ZRANB2: variants seen among roughly 807,000 people sequenced by gnomAD.
The protein encoded by ZRANB2 is zinc finger Ran-binding domain-containing protein 2.
ZRANB2 carries 19 observed loss-of-function variants against 53.4 expected under a neutral mutation model. The ratio of observed to expected loss-of-function variants is 0.36; its 90% CI spans 0.25 to 0.52. ZRANB2 has a LOEUF of 0.52. Ranked by LOEUF, ZRANB2 falls within the 20% of genes least tolerant of loss-of-function variation. The probability of loss-of-function intolerance (pLI) is 0.93; values close to 1 mark genes in which losing one functional copy is unlikely to be tolerated. For missense variants in ZRANB2, 309 were observed against 401.1 expected, an observed-to-expected ratio of 0.77 and a Z score of 1.96; for synonymous variants, 145 against 134.8, an observed-to-expected ratio of 1.08 and a Z score of -0.52.
At chr1:71,070,694 T>G in intron 7 of ZRANB2, 133 bp downstream of exon 7, 1 of 576,232 alleles carries the variant, frequency 1.7e-6, no homozygotes, top group Non-Finnish European at 2.8e-6. Context: ...AAAAATTATT[T>G]TAAAAGTTGA....
chr1:71,066,833 C>T lies in ZRANB2; in HGVS notation c.872G>A (p.Arg291Lys), dbSNP rs751149078. Residue 291 changes from arginine (R) to lysine (K), a missense_variant, in exon 9 of 10, where the codon AGA becomes AAA. Arg to Lys is a conservative substitution (Grantham distance 26). Transcript: ENST00000370920. The part of the protein sequence containing the change: ...PERNRKRSRS[R>K]SSSSGDRKKR... ...TTTGCGATCACCAGATGAAGAAGAT[C>T]TAGAACGACTTCTCTTTCTGTTCCT... 1.2e-6 allele frequency: 2 copies of T among 1,612,396 alleles called. No individual in the cohort carries two copies. The highest frequency in any genetic ancestry group is 1.3e-5 in the African/African-American group (1 of 74,950).
intron 9 of ZRANB2, chr1:71,065,536 T>C (rs1157587044): frequency 6.2e-6 from 8 of 1,290,558 alleles, no homozygotes; most frequent in South Asian, 4.2e-5. Flanking sequence ...AAGTCTATTA[T>C]GTAAAAAAGA....
At chr1:71,072,053 C>A in intron 6 of ZRANB2, 68 bp downstream of exon 6, 1 of 1,547,660 alleles carries the variant, frequency 6.5e-7, no homozygotes, top group South Asian at 1.3e-5. Context: ...CTGAGGCTGT[C>A]AAAAGCATTC....
intron 6 of ZRANB2, among the ~76,000 whole-genome samples, chr1:71,071,799 G>A (rs1357914452): frequency 2.0e-5 from 3 of 151,960 alleles, no homozygotes; most frequent in Non-Finnish European, 2.9e-5. Context: ...ATTATCCATC[G>A]GCAAAACCAA....
chr1:71,068,987 T>C (rs1661531150), intron 8 of ZRANB2, among the ~76,000 whole-genome samples: 1 of 152,018 alleles, frequency 6.6e-6, no homozygotes, highest in South Asian at 2.1e-4. Context: ...GATGTGGCGA[T>C]AAGACTTGGC....
At chr1:71,072,373 T>C (rs1205274597) in intron 5 of ZRANB2, 99 bp downstream of exon 5, 1 of 1,443,824 alleles carries the variant, frequency 6.9e-7, no homozygotes, top group African/African-American at 1.4e-5. Flanking sequence ...TGCTGAAGAC[T>C]CAAATTGCAC....
At chr1:71,065,875 CAG>C in intron 9 of ZRANB2, 2 of 1,415,936 alleles carry the variant, frequency 1.4e-6, no homozygotes, top group Non-Finnish European at 1.9e-6. Flanking sequence ...CACTCAAAAA[CAG>C]AGTAATTTTT....
intron 6 of ZRANB2, 34 bp from the exon 7 acceptor site, chr1:71,071,030 A>G (rs912588733): frequency 1.3e-6 from 2 of 1,490,166 alleles, no homozygotes; most frequent in Non-Finnish European, 1.8e-6. Context: ...AGACATTTAG[A>G]TATTAGTGTT....
At chr1:71,066,010 T>C in intron 9 of ZRANB2, 1 of 325,684 alleles carries the variant, frequency 3.1e-6, no homozygotes, top group Non-Finnish European at 5.6e-6. Context: ...ATCCTACCAC[T>C]GAACCCAGCA....
intron 3 of ZRANB2, 22 bp downstream of exon 3, chr1:71,078,435 G>C (rs777871837): frequency 1.9e-5 from 30 of 1,591,750 alleles, no homozygotes; most frequent in Admixed American, 1.0e-4. Flanking sequence ...AGAAAGAGCA[G>C]ACAATAATTT....
rs1225223113 is a variant in ZRANB2, at chr1:71,079,141, T to C, written c.57-433A>G. Among the ~76,000 whole-genome samples, 597 of 152,296 alleles carry C rather than the reference T, an allele frequency of 3.9e-3. 3 individuals are homozygous for C. Among genetic ancestry groups the C allele is most frequent in the African/African-American group, 0.014 (576 of 41,576 alleles). On this transcript the variant is annotated intron_variant, in intron 1 of 9. Transcript: ENST00000370920. ...GAGGGCTTCATGGATCTTAATGAAA[T>C]TATCTTTTTACATGCAGTAGGTAGG...
In ZRANB2 at chr1:71,069,336, G is replaced by C. The variant is rs1008540270; in HGVS notation, c.710C>G (p.Ser237Trp). The change falls in exon 8 of 10, where the codon TCG becomes TGG. Residue 237 changes from serine to tryptophan, a missense_variant. Around this residue, in one of 3 missense-constraint regions of ZRANB2, gnomAD observed 211 missense variants for 196.1 expected, o/e 1.08. Coordinates refer to ENST00000370920, the MANE Select transcript of ZRANB2 (RefSeq NM_203350.3). ...SRSRSRSSSS[S>W]QSRSRSSSRE... Reference sequence around the variant, plus strand: ...GGAACTGGAACGAGATCTTGACTGCGAACTGGAAGAACTTCTTGAACGGGA... The same window carrying C: ...GGAACTGGAACGAGATCTTGACTGCCAACTGGAAGAACTTCTTGAACGGGA... 2.5e-6 allele frequency: 4 copies of C among 1,612,406 alleles called. No homozygotes were observed. Among genetic ancestry groups the C allele is most frequent in the Non-Finnish European group, 3.4e-6 (4 of 1,179,296 alleles).
chr1:71,076,504 C>G (rs1000628404), intron 4 of ZRANB2, among the ~76,000 whole-genome samples: 1 of 152,172 alleles, frequency 6.6e-6, no homozygotes, highest in Non-Finnish European at 1.5e-5. Context: ...TATATCATTA[C>G]TAATAACAAA....
At chr1:71,079,065 A>C (rs1382198394) in intron 1 of ZRANB2, among the ~76,000 whole-genome samples, 1 of 152,206 alleles carries the variant, frequency 6.6e-6, no homozygotes, top group Non-Finnish European at 1.5e-5. Context: ...GCTACCAGGG[A>C]GTTTTAAACC....
At chr1:71,070,314 C>T (rs937317322) in intron 7 of ZRANB2, among the ~76,000 whole-genome samples, 11 of 152,158 alleles carry the variant, frequency 7.2e-5, no homozygotes, top group Admixed American at 4.6e-4. Context: ...TTTTAGTTTA[C>T]GCCTGGACTT....
chr1:71,067,838 A>G (rs1194915323), intron 8 of ZRANB2: 1 of 331,300 alleles, frequency 3.0e-6, no homozygotes, highest in Non-Finnish European at 5.9e-6. Context: ...TTGTTACTAA[A>G]TAATGGTAAC....
At chr1:71,068,144 C>T (rs1215765230) in intron 8 of ZRANB2, among the ~76,000 whole-genome samples, 3 of 152,108 alleles carry the variant, frequency 2.0e-5, no homozygotes, top group Non-Finnish European at 4.4e-5. Flanking sequence ...GGATTACAGG[C>T]GTGAGCCACT....
At chr1:71,073,994 T>C (rs933484699) in intron 4 of ZRANB2, among the ~76,000 whole-genome samples, 2 of 152,152 alleles carry the variant, frequency 1.3e-5, no homozygotes, top group African/African-American at 4.8e-5. Context: ...GTCATTCTAC[T>C]AATTTCAAGC....
intron 6 of ZRANB2, 69 bp from the exon 7 acceptor site, chr1:71,071,065 T>G (rs1661584694): frequency 7.2e-7 from 1 of 1,386,538 alleles, no homozygotes; most frequent in African/African-American, 1.4e-5. Context: ...ATAAAACAGT[T>G]AGGTGTACTG....
Sources: allele counts gnomAD v4.1 joint callset (sites outside exome capture counted in the v4.1 genomes callset), GRCh38; gene constraint gnomAD v4.1.1; regional missense constraint gnomAD v4.1.1; transcripts MANE v1.5; gene names NCBI Gene and HGNC (gene_info 2026-07-23, HGNC 2026-07-21).